CDH8: variants seen among roughly 807,000 people sequenced by gnomAD.
CDH8 encodes cadherin 8, also known as cadherin-8.
In CDH8, 17 loss-of-function variants were observed where a neutral mutation model predicts 68.1. The observed-to-expected ratio is 0.25, with a 90% CI of 0.17 to 0.37. The LOEUF (loss-of-function observed/expected upper bound fraction) is 0.37. Among genes scored for constraint, CDH8 ranks in the 10% least tolerant of loss-of-function variants. The pLI is 1.00. For missense variants in CDH8, 763 were observed against 999.3 expected (o/e 0.76, Z 3.19); for synonymous variants, 372 against 365.1 (o/e 1.02, Z -0.21).
intron 9 of CDH8, among the ~76,000 whole-genome samples, chr16:61,717,509 T>A (rs1347462872): frequency 6.6e-6 from 1 of 151,664 alleles, no homozygotes; most frequent in African/African-American, 2.4e-5. Flanking sequence ...ACAGAGTATA[T>A]TAAACTTTAT....
rs572085164 is a variant in CDH8, at chr16:61,725,885, C to CGT, written c.1536+1207_1536+1208dup. 3.7e-3 allele frequency: 552 copies of CGT among 148,694 alleles called. 4 individuals carry two copies. Among genetic ancestry groups the CGT allele is most frequent in the Middle Eastern group, 0.017 (5 of 296 alleles). The allele number at this position is 148,694 out of a possible 1,614,324, so 9.2% of individuals were successfully genotyped here. On this transcript the variant is annotated intron_variant, in intron 9 of 11. Coordinates refer to ENST00000577390, the MANE Select transcript of CDH8 (RefSeq NM_001796.5). Reference sequence around the variant, plus strand: ...TTTATTATTAGAATTTTAGCTTTAACGTGTGTGTGTGTGTGCGTGTGTGTG... The same window carrying CGT: ...TTTATTATTAGAATTTTAGCTTTAACGTGTGTGTGTGTGTGTGCGTGTGTGTG...
At chr16:62,015,660 G>A (rs559916156) in intron 2 of CDH8, among the ~76,000 whole-genome samples, 9 of 152,258 alleles carry the variant, frequency 5.9e-5, no homozygotes, top group East Asian at 1.9e-4. Flanking sequence ...TACGACCTTC[G>A]TATGTTGAAG....
At chr16:61,911,721 C>G (rs1160536467) in intron 2 of CDH8, among the ~76,000 whole-genome samples, 2 of 151,018 alleles carry the variant, frequency 1.3e-5, no homozygotes, top group East Asian at 3.9e-4. Context: ...TCCATCCATT[C>G]TATAAAGAAA....
chr16:61,782,911 G>C (rs1284811206), intron 8 of CDH8, among the ~76,000 whole-genome samples: 4 of 152,094 alleles, frequency 2.6e-5, no homozygotes, highest in Non-Finnish European at 5.9e-5. Flanking sequence ...AAACAGAAAG[G>C]ACATCCACAC....
chr16:61,800,589 G>T (rs1961599635), intron 7 of CDH8, among the ~76,000 whole-genome samples: 1 of 152,144 alleles, frequency 6.6e-6, no homozygotes. Context: ...TACTATGAAG[G>T]TGTGAACCTC....
At chr16:61,879,750 T>G (rs536954967) in intron 3 of CDH8, among the ~76,000 whole-genome samples, 7 of 152,266 alleles carry the variant, frequency 4.6e-5, no homozygotes, top group Non-Finnish European at 8.8e-5. Flanking sequence ...CTGCCATGCA[T>G]CCAGCCAGTC....
At chr16:61,734,512 T>C (rs1017456536) in intron 8 of CDH8, among the ~76,000 whole-genome samples, 12 of 152,122 alleles carry the variant, frequency 7.9e-5, no homozygotes, top group Admixed American at 1.3e-4. Flanking sequence ...GCCATGCCTG[T>C]GCCTACTTTG....
intron 2 of CDH8, among the ~76,000 whole-genome samples, chr16:61,938,249 A>G (rs560055233): frequency 6.6e-6 from 1 of 152,176 alleles, no homozygotes; most frequent in Middle Eastern, 3.2e-3. Context: ...TTAATTACCC[A>G]GTCATCCCAA....
chr16:61,809,892 C>A (rs1424344255), intron 7 of CDH8, among the ~76,000 whole-genome samples: 2 of 152,216 alleles, frequency 1.3e-5, no homozygotes, highest in Non-Finnish European at 2.9e-5. Flanking sequence ...CCGTGGAATT[C>A]AAAGTGACCC....
At chr16:61,854,636 C>A (rs1963007673) in intron 4 of CDH8, among the ~76,000 whole-genome samples, 1 of 152,094 alleles carries the variant, frequency 6.6e-6, no homozygotes, top group Non-Finnish European at 1.5e-5. Flanking sequence ...ATCTTTTGTT[C>A]CCCACAAAGG....
intron 7 of CDH8, among the ~76,000 whole-genome samples, chr16:61,804,403 A>T (rs566172568): frequency 1.5e-4 from 23 of 152,214 alleles, no homozygotes; most frequent in African/African-American, 5.5e-4. Context: ...ATCACAATTA[A>T]ACGAACTAGA....
chr16:61,929,939 T>C (rs1289672116), intron 2 of CDH8, among the ~76,000 whole-genome samples: 1 of 152,088 alleles, frequency 6.6e-6, no homozygotes, highest in African/African-American at 2.4e-5. Context: ...CACATGTCAA[T>C]TACATGACTC....
At chr16:61,888,033 A>G (rs1343411711) in intron 3 of CDH8, among the ~76,000 whole-genome samples, 1 of 152,150 alleles carries the variant, frequency 6.6e-6, no homozygotes, top group Non-Finnish European at 1.5e-5. Flanking sequence ...GAGACGTTGG[A>G]AGCAGAAGTG....
intron 2 of CDH8, among the ~76,000 whole-genome samples, chr16:61,979,756 G>A (rs1039578438): frequency 1.3e-5 from 2 of 151,814 alleles, no homozygotes; most frequent in Admixed American, 6.6e-5. Flanking sequence ...AATAAGACAT[G>A]ACATTCAACC....
Position 61,817,487 on chromosome 16 carries a change from A to G in CDH8, c.1269T>C (p.Ser423=). ...TTTTAAAATAAAAATACCTTATAGG[A>G]CTGGAAGTGATATCAGGGTCACGAG... ...VTARDPDITS[S]PIRFSIDRHT... is the part of the protein sequence containing the mutation. The change falls in exon 7 of 12, where the codon AGT becomes AGC. Residue 423 remains serine, a synonymous_variant. Transcript: ENST00000577390. The G allele has an allele frequency of 1.9e-6, 3 of 1,613,944 alleles. No individual in the cohort carries two copies. Among genetic ancestry groups the G allele is most frequent in the Non-Finnish European group, 2.5e-6 (3 of 1,179,910 alleles).
At chr16:61,869,671 T>G (rs528183676) in intron 3 of CDH8, among the ~76,000 whole-genome samples, 3 of 152,286 alleles carry the variant, frequency 2.0e-5, no homozygotes, top group African/African-American at 7.2e-5. Flanking sequence ...TTTTTAAAAT[T>G]TCTTTAAATT....
chr16:61,775,978 C>T (rs1050608176), intron 8 of CDH8, among the ~76,000 whole-genome samples: 4 of 152,072 alleles, frequency 2.6e-5, no homozygotes, highest in Non-Finnish European at 4.4e-5. Context: ...AGCCCTCTTT[C>T]TCTCTAAGCC....
chr16:61,861,425 C>G (rs1294910123), intron 3 of CDH8, among the ~76,000 whole-genome samples: 1 of 152,142 alleles, frequency 6.6e-6, no homozygotes, highest in African/African-American at 2.4e-5. Context: ...CTGGAGCTTA[C>G]AAGACTGATG....
intron 10 of CDH8, among the ~76,000 whole-genome samples, chr16:61,702,379 GAA>G (rs200454525): frequency 2.4e-5 from 3 of 126,436 alleles, no homozygotes; most frequent in Non-Finnish European, 5.2e-5. Context: ...CTCAAAAAAA[GAA>G]AAAAAAAAAA....
Sources: gnomAD v4.1 joint callset for allele counts (sites outside exome capture counted in the v4.1 genomes callset) on GRCh38, gnomAD v4.1.1 for gene constraint, MANE v1.5 for transcripts, NCBI Gene and HGNC (gene_info 2026-07-23, HGNC 2026-07-21) for gene names.